Variants in PLEKHA6 observed in about 807,000 individuals in gnomAD.
PLEKHA6 encodes pleckstrin homology domain-containing family A member 6.
Under a neutral mutation model 116.7 loss-of-function variants are expected in PLEKHA6, and 60 were observed. That is an observed-to-expected ratio of 0.51 (90% CI 0.42 to 0.64). The LOEUF is 0.64. Among genes scored for constraint, PLEKHA6 ranks in the 30% least tolerant of loss-of-function variants. PLEKHA6 has a pLI of 0.00. For missense variants in PLEKHA6, 1,338 were observed against 1,422.7 expected (o/e 0.94, Z 0.96); for synonymous variants, 489 against 556.1 (o/e 0.88, Z 1.70).
rs774658009 is a variant in PLEKHA6, at chr1:204,257,541, G to A, written c.1336C>T (p.Arg446Cys). ...TGGGAGCGGGGCTGCAGGGACAGGC[G>A]GCGCAGGGAGCTAGAGGCGGCATCC... ...ELDAASSSLR[R>C]LSLQPRSHSV... Residue 446 changes from arginine (R) to cysteine (C), a missense_variant, in exon 9 of 23, where the codon CGC (arginine) becomes TGC (cysteine). By Grantham distance (180) the Arg-to-Cys change is radical (BLOSUM62 -3). Around this residue, in one of 3 missense-constraint regions of PLEKHA6, gnomAD observed 1,136 missense variants for 1,163.6 expected, o/e 0.98. Coordinates refer to ENST00000272203, the MANE Select transcript of PLEKHA6 (RefSeq NM_014935.5). This position sits in a 1 kb window ranked among gnomAD's most constrained non-coding sequence, Gnocchi z 6.5. 9.2e-5 allele frequency: 147 copies of A among 1,594,752 alleles called. No homozygotes were observed. Among genetic ancestry groups the A allele is most frequent in the Middle Eastern group, 1.7e-4 (1 of 5,904 alleles).
At chr1:204,369,678 G>C (rs1463214840) in intron 2 of PLEKHA6, 3 of 152,194 alleles carry the variant, frequency 2.0e-5, no homozygotes, top group Non-Finnish European at 4.4e-5. Context: ...CAAGCTCCGG[G>C]GGCATCTTAA....
chr1:204,256,774 A>G, intron 9 of PLEKHA6: 1 of 577,078 alleles, frequency 1.7e-6, no homozygotes, highest in Non-Finnish European at 3.1e-6. Context: ...GGAGGCCCTG[A>G]GACAGGTGGA....
At chr1:204,285,794 A>C (rs1425225393) in intron 1 of PLEKHA6, among the ~76,000 whole-genome samples, 1 of 152,254 alleles carries the variant, frequency 6.6e-6, no homozygotes, top group African/African-American at 2.4e-5. Context: ...GTCATCCAGC[A>C]GCTTAAGGAG....
At chr1:204,278,699 C>T (rs754544625) in intron 1 of PLEKHA6, among the ~76,000 whole-genome samples, 1 of 152,208 alleles carries the variant, frequency 6.6e-6, no homozygotes, top group African/African-American at 2.4e-5. Context: ...TCAGCTATTT[C>T]GTGGGACTTT....
At chr1:204,328,032 G>A (rs546918821) in intron 1 of PLEKHA6, among the ~76,000 whole-genome samples, 1 of 150,154 alleles carries the variant, frequency 6.7e-6, no homozygotes, top group Admixed American at 6.7e-5. Context: ...AAGGAAAGAA[G>A]CTGCTTTTAT....
intron 1 of PLEKHA6, among the ~76,000 whole-genome samples, chr1:204,279,243 TCTC>T (rs1031982460): frequency 6.6e-6 from 1 of 152,088 alleles, no homozygotes; most frequent in Non-Finnish European, 1.5e-5. Context: ...TTAAATTACT[TCTC>T]CTATGCCCTG....
chr1:204,359,584 G>A (rs1345565184), intron 1 of PLEKHA6, 110 bp downstream of exon 1: 7 of 983,636 alleles, frequency 7.1e-6, no homozygotes, highest in Admixed American at 1.2e-4. Context: ...CCAGTGCTCC[G>A]CAGTGCAAGC....
chr1:204,257,591 C>T lies in PLEKHA6; in HGVS notation c.1286G>A (p.Arg429Gln), dbSNP rs543295295. 1.9e-4 allele frequency: 302 copies of T among 1,608,528 alleles called. 2 individuals are homozygous for T. In the South Asian group the frequency reaches 3.0e-3, roughly 16 times the overall value. ...DATVWIPSPS[R>Q]QPVYYDELDA... Reference sequence around the variant, plus strand: ...CAGCTCATCATAATAGACTGGCTGCCGGGAGGGGCTTGGGATCCAGACGGT... The same window carrying T: ...CAGCTCATCATAATAGACTGGCTGCTGGGAGGGGCTTGGGATCCAGACGGT... The change falls in exon 9 of 23, where the codon CGG (arginine) becomes CAG (glutamine). Residue 429 changes from arginine (R) to glutamine (Q), a missense_variant. By Grantham distance (43) the Arg-to-Gln change is conservative (BLOSUM62 1). Around this residue, in one of 3 missense-constraint regions of PLEKHA6, gnomAD observed 1,136 missense variants for 1,163.6 expected, o/e 0.98. Transcript: ENST00000272203. This position sits in a 1 kb window ranked among gnomAD's most constrained non-coding sequence, Gnocchi z 6.5.
Position 204,261,228 on chromosome 1 carries a change from A to G in PLEKHA6, c.524+78T>C. 6.5e-7 allele frequency: 1 copy of G among 1,535,242 alleles called. No individual in the cohort carries two copies. On this transcript the variant is annotated intron_variant, in intron 7 of 22. Coordinates refer to ENST00000272203, the MANE Select transcript of PLEKHA6 (RefSeq NM_014935.5). The surrounding 1 kb of genome is among the most constrained non-coding windows in gnomAD (Gnocchi z 4.0). The stretch of plus-strand genomic sequence containing the variant: ...TCAAGTAGGCACACTGGGATTAGCA[A>G]TGGCCCAGAGCTGGGTGTGTCTTCC...
At chr1:204,251,861 G>T (rs1375477288) in intron 9 of PLEKHA6, among the ~76,000 whole-genome samples, 1 of 152,166 alleles carries the variant, frequency 6.6e-6, no homozygotes, top group East Asian at 1.9e-4. Context: ...CAGAGGCTGG[G>T]GCCTGGTGAC....
intron 1 of PLEKHA6, among the ~76,000 whole-genome samples, chr1:204,298,104 G>A (rs1211524746): frequency 2.6e-5 from 4 of 152,214 alleles, no homozygotes; most frequent in African/African-American, 4.8e-5. Context: ...CTCCTCAGGG[G>A]TTCACTTCGA....
intron 1 of PLEKHA6, chr1:204,280,553 T>A: frequency 5.8e-6 from 4 of 690,872 alleles, no homozygotes; most frequent in Non-Finnish European, 7.1e-6. Context: ...TGAGGACGCC[T>A]TGGCTTCCAG....
At chr1:204,314,766 C>T (rs968856184) in intron 1 of PLEKHA6, among the ~76,000 whole-genome samples, 3 of 152,218 alleles carry the variant, frequency 2.0e-5, no homozygotes, top group Non-Finnish European at 2.9e-5. Context: ...TCCACAATGG[C>T]GCAGGGGCGG....
chr1:204,298,002 T>C (rs1670453662), intron 1 of PLEKHA6: 1 of 603,928 alleles, frequency 1.7e-6, no homozygotes, highest in Non-Finnish European at 2.1e-6. Flanking sequence ...GGTTCACAAT[T>C]GGCTCTGGTC....
Position 204,259,133 on chromosome 1 carries a change from G to T in PLEKHA6, c.1007+125C>A, listed in dbSNP as rs2102755710. On this transcript the variant is annotated intron_variant, in intron 8 of 22. Transcript: ENST00000272203. The surrounding 1 kb of genome is among the most constrained non-coding windows in gnomAD (Gnocchi z 4.6). Reference sequence around the variant, plus strand: ...AAGCCAGGAAGCATGGGATTTGCTTGGTTTCCCAACTCAGCCTGCTTCCAG... The same window carrying T: ...AAGCCAGGAAGCATGGGATTTGCTTTGTTTCCCAACTCAGCCTGCTTCCAG... The T allele has an allele frequency of 1.8e-6, 2 of 1,120,656 alleles. No homozygotes were observed. Among genetic ancestry groups the T allele is most frequent in the Non-Finnish European group, 2.5e-6 (2 of 799,974 alleles). 69.4% of individuals were successfully genotyped at this position (1,120,656 alleles called of 1,614,324 possible). A position where few individuals can be genotyped will look rare whatever the true frequency, so the allele number is the denominator to read the frequency against.
chr1:204,343,657 C>T (rs1348666415), intron 1 of PLEKHA6, among the ~76,000 whole-genome samples: 1 of 152,148 alleles, frequency 6.6e-6, no homozygotes, highest in African/African-American at 2.4e-5. Flanking sequence ...TTAAGCTCAA[C>T]ATTAAGGAAT....
intron 1 of PLEKHA6, among the ~76,000 whole-genome samples, chr1:204,306,717 T>A (rs9787329): frequency 6.6e-6 from 1 of 152,220 alleles, no homozygotes; most frequent in South Asian, 2.1e-4. Flanking sequence ...AAATGGGGGA[T>A]AAACCTATTG....
At chr1:204,355,973 G>GCACA (rs762932253) in intron 1 of PLEKHA6, among the ~76,000 whole-genome samples, 31 of 71,620 alleles carry the variant, frequency 4.3e-4, no homozygotes, top group Non-Finnish European at 6.4e-4. Context: ...GATGCTCATG[G>GCACA]CACACACACA....
chr1:204,297,212 AT>A, intron 1 of PLEKHA6: 1 of 982,330 alleles, frequency 1.0e-6, no homozygotes, highest in Non-Finnish European at 1.2e-6. Context: ...TTGATGTGAC[AT>A]TTAACTCCTA....
Sources: gnomAD v4.1 joint callset for allele counts (sites outside exome capture counted in the v4.1 genomes callset) on GRCh38, gnomAD v4.1.1 for gene constraint, gnomAD v4.1.1 regional missense constraint, Gnocchi (gnomAD v3.1) non-coding constraint, MANE v1.5 for transcripts, NCBI Gene and HGNC (gene_info 2026-07-23, HGNC 2026-07-21) for gene names.